The following DNAAF11 variants were observed in gnomAD, a reference collection of about 807,000 sequenced individuals.
DNAAF11 encodes the protein dynein axonemal assembly factor 11, also known as leucine rich repeat containing 6.
In DNAAF11, 45 loss-of-function variants were observed where a neutral mutation model predicts 60.8. The ratio of observed to expected loss-of-function variants is 0.74; its 90% CI spans 0.58 to 0.95. The LOEUF is 0.95. Among genes scored for constraint, DNAAF11 ranks in the 40% least tolerant of loss-of-function variants. DNAAF11 has a pLI of 0.00. For missense variants in DNAAF11, 546 were observed against 546.2 expected (o/e 1.00, Z 0.00); for synonymous variants, 191 against 183.5 (o/e 1.04, Z -0.33).
In DNAAF11 at chr8:132,578,450, C is replaced by T. The variant is rs769803809; in HGVS notation, c.1226+5244G>A. 2.0e-5 allele frequency: 30 copies of T among 1,524,162 alleles called. 1 individual carries two copies. Among genetic ancestry groups the T allele is most frequent in the South Asian group, 1.5e-4 (12 of 81,306 alleles). 94.4% of individuals were successfully genotyped at this position (1,524,162 alleles called of 1,614,324 possible). On this transcript the variant is annotated intron_variant, in intron 11 of 11. Transcript: ENST00000620350. ...TAATGTCAGAGGCCTCTAGGACGGA[C>T]GCCCATCACTGGTCTTACCCACGAC...
intron 1 of DNAAF11, among the ~76,000 whole-genome samples, chr8:132,670,095 A>G (rs1483735135): frequency 1.3e-5 from 2 of 152,102 alleles, no homozygotes; most frequent in African/African-American, 4.8e-5. Context: ...CACTTTAAGG[A>G]TCTAGAAAAA....
At chr8:132,629,664 C>G (rs958541758) in intron 5 of DNAAF11, among the ~76,000 whole-genome samples, 1 of 151,958 alleles carries the variant, frequency 6.6e-6, no homozygotes, top group Non-Finnish European at 1.5e-5. Context: ...CCATTCTTAA[C>G]GCTACTATTC....
the DNAAF11 span, among the ~76,000 whole-genome samples, chr8:132,699,893 A>G: frequency 6.6e-6 from 1 of 152,216 alleles, no homozygotes; most frequent in Admixed American, 6.5e-5. Flanking sequence ...AATAGACAAA[A>G]TAAATCCATA....
At chr8:132,583,300 T>A (rs989827731) in intron 11 of DNAAF11, among the ~76,000 whole-genome samples, 1 of 152,152 alleles carries the variant, frequency 6.6e-6, no homozygotes, top group Admixed American at 6.5e-5. Context: ...TGACCTTCAG[T>A]ACACTCTAAG....
chr8:132,655,215 T>C (rs1823424387), intron 3 of DNAAF11, among the ~76,000 whole-genome samples: 2 of 151,836 alleles, frequency 1.3e-5, no homozygotes, highest in African/African-American at 2.4e-5. Context: ...CAAGAAGAAA[T>C]AGAAAATCTG....
chr8:132,617,151 A>C (rs370428636), intron 7 of DNAAF11, among the ~76,000 whole-genome samples: 1 of 152,206 alleles, frequency 6.6e-6, no homozygotes, highest in African/African-American at 2.4e-5. Context: ...ATAACTGAAT[A>C]GACAAGTCTT....
At chr8:132,610,416 A>C (rs528307370) in intron 9 of DNAAF11, among the ~76,000 whole-genome samples, 155 bp from the exon 10 acceptor site, 3 of 152,230 alleles carry the variant, frequency 2.0e-5, no homozygotes, top group Non-Finnish European at 4.4e-5. Flanking sequence ...TATGCTTTCT[A>C]TGCACAAACT....
At chr8:132,642,610 C>T (rs1821965974) in intron 3 of DNAAF11, among the ~76,000 whole-genome samples, 1 of 152,186 alleles carries the variant, frequency 6.6e-6, no homozygotes. Flanking sequence ...GACCCTAAGC[C>T]ACCTGGAGAA....
chr8:132,646,058 A>G (rs1339185945), intron 3 of DNAAF11, among the ~76,000 whole-genome samples: 1 of 152,204 alleles, frequency 6.6e-6, no homozygotes, highest in African/African-American at 2.4e-5. Context: ...AGTAGAAATG[A>G]AGGAAAAATT....
At chr8:132,695,562 G>C in the DNAAF11 span, among the ~76,000 whole-genome samples, 2 of 152,134 alleles carry the variant, frequency 1.3e-5, no homozygotes, top group Non-Finnish European at 2.9e-5. Context: ...TAGAAACGAA[G>C]GACATCATCT....
upstream of DNAAF11, among the ~76,000 whole-genome samples, chr8:132,680,270 CTT>C (rs1478842374): frequency 6.6e-6 from 1 of 152,170 alleles, no homozygotes; most frequent in Non-Finnish European, 1.5e-5. Flanking sequence ...TCCAAATAGA[CTT>C]ATTTCTTTGG....
chr8:132,612,126 G>A (rs1460270933), intron 8 of DNAAF11, among the ~76,000 whole-genome samples: 1 of 152,124 alleles, frequency 6.6e-6, no homozygotes, highest in East Asian at 1.9e-4. Flanking sequence ...CTGGCTCCAT[G>A]CCTTCCTGCT....
chr8:132,690,267 T>C, the DNAAF11 span, among the ~76,000 whole-genome samples: 1 of 151,840 alleles, frequency 6.6e-6, no homozygotes, highest in Non-Finnish European at 1.5e-5. Flanking sequence ...AGGAAGGGAG[T>C]TGATTGGATC....
upstream of DNAAF11, among the ~76,000 whole-genome samples, chr8:132,679,403 T>C (rs918191577): frequency 6.6e-6 from 1 of 152,212 alleles, no homozygotes; most frequent in Non-Finnish European, 1.5e-5. Context: ...TTCAGTAGGA[T>C]CACCAACCAC....
intron 4 of DNAAF11, among the ~76,000 whole-genome samples, chr8:132,637,215 T>A (rs1821393131): frequency 6.6e-6 from 1 of 152,156 alleles, no homozygotes; most frequent in Non-Finnish European, 1.5e-5. Context: ...AAATGTGAAA[T>A]CTCAGGCCCC....
At chr8:132,693,871 G>C in the DNAAF11 span, among the ~76,000 whole-genome samples, 2 of 152,182 alleles carry the variant, frequency 1.3e-5, no homozygotes, top group African/African-American at 4.8e-5. Context: ...TATTGGATGA[G>C]GACAGAGATG....
At chr8:132,694,879 G>T in the DNAAF11 span, among the ~76,000 whole-genome samples, 2 of 152,156 alleles carry the variant, frequency 1.3e-5, no homozygotes, top group Non-Finnish European at 2.9e-5. Context: ...GTGAGTTTAG[G>T]CAGAGAAGAG....
intron 5 of DNAAF11, among the ~76,000 whole-genome samples, chr8:132,631,280 A>G (rs1443340296): frequency 6.6e-6 from 1 of 152,182 alleles, no homozygotes; most frequent in Non-Finnish European, 1.5e-5. Flanking sequence ...CAGGCTGACC[A>G]GCTGGCACCA....
intron 10 of DNAAF11, among the ~76,000 whole-genome samples, chr8:132,609,332 T>C (rs1287024637): frequency 6.6e-6 from 1 of 151,562 alleles, no homozygotes; most frequent in South Asian, 2.1e-4. Flanking sequence ...TATTATACTG[T>C]ATTGTCTCGG....
Sources: gnomAD v4.1 joint callset for allele counts (sites outside exome capture counted in the v4.1 genomes callset) on GRCh38, gnomAD v4.1.1 for gene constraint, MANE v1.5 for transcripts, NCBI Gene and HGNC (gene_info 2026-07-23, HGNC 2026-07-21) for gene names.